Variants in L1CAM observed in about 807,000 individuals in gnomAD.
L1CAM encodes L1 cell adhesion molecule.
Under a neutral mutation model 93.0 loss-of-function variants are expected in L1CAM, and 8 were observed. The observed-to-expected ratio is 0.09, with a 90% CI of 0.05 to 0.16. The LOEUF is 0.16. Among genes scored for constraint, L1CAM ranks in the 10% least tolerant of loss-of-function variants. The probability of loss-of-function intolerance (pLI) is 1.00; values close to 1 mark genes in which losing one functional copy is unlikely to be tolerated. For synonymous variants in L1CAM, 453 were observed against 453.0 expected, an observed-to-expected ratio of 1.00 and a Z score of 0.00; for missense variants, 777 against 1,073.4, an observed-to-expected ratio of 0.72 and a Z score of 3.86.
chrX:153,866,821 C>G lies in L1CAM; in HGVS notation c.2259G>C (p.Gln753His), dbSNP rs782400758. The G allele has an allele frequency of 8.3e-7, 1 of 1,209,966 alleles. No homozygotes were observed. Among genetic ancestry groups the G allele is most frequent in the Non-Finnish European group, 1.1e-6 (1 of 895,207 alleles). Residue 753 changes from glutamine (Q) to histidine (H), a missense_variant, in exon 19 of 29, where the codon CAG (glutamine) becomes CAC (histidine). Physicochemically the swap from Gln to His is conservative, Grantham distance 24. Around this residue, in one of 5 missense-constraint regions of L1CAM, gnomAD observed 574 missense variants for 781.0 expected, o/e 0.73. Coordinates refer to ENST00000370060, the MANE Select transcript of L1CAM (RefSeq NM_001278116.2). ...WNAPQVQYRVQWRPQGTRGPW... is the reference protein window; with the variant it reads ...WNAPQVQYRVHWRPQGTRGPW... ...GCCCTCGTGTCCCCTGAGGGCGCCA[C>G]TGCACGCGGTACTGAACCTGGGGGG...
chrX:153,867,964 C>G (rs1557091588), intron 15 of L1CAM, 34 bp downstream of exon 15: 1 of 1,208,401 alleles, frequency 8.3e-7, no homozygotes, highest in African/African-American at 1.8e-5. Flanking sequence ...GAGCCCCGGC[C>G]TTCTGGAGTG....
At position 153,867,928 on chromosome X, in the gene L1CAM, C is replaced by T. The variant is rs201069035; in HGVS notation, c.1829-18G>A. The T allele has an allele frequency of 2.7e-5, 33 of 1,207,633 alleles. No homozygotes were observed. The highest frequency in any genetic ancestry group is 3.7e-5 in the Non-Finnish European group (33 of 894,046). Reference sequence around the variant, plus strand: ...AGGGCTCCCTGAGGGTGGGGAGGGTCGGTGCTTGAAAGGGCCCAGGGATGT... The same window carrying T: ...AGGGCTCCCTGAGGGTGGGGAGGGTTGGTGCTTGAAAGGGCCCAGGGATGT... On this transcript the variant is annotated intron_variant, in intron 15 of 28. Transcript: ENST00000370060.
chrX:153,882,197 C>CG (rs1356186681), intron 1 of L1CAM, among the ~76,000 whole-genome samples: 1 of 111,673 alleles, frequency 9.0e-6, no homozygotes, highest in African/African-American at 3.3e-5. Context: ...ACAGGAAGCC[C>CG]GGGGGCGGAC....
At chrX:153,871,952 T>C (rs2064774461) in intron 5 of L1CAM, among the ~76,000 whole-genome samples, 200 bp downstream of exon 5, 1 of 101,268 alleles carries the variant, frequency 9.9e-6, no homozygotes, top group Non-Finnish European at 2.0e-5. Context: ...TGACCGGAAG[T>C]GCAATGGAGA....
rs2064666674 is a variant in L1CAM, at chrX:153,862,044, G to C, written c.*619C>G. 1 of 111,848 alleles carries C rather than the reference G, an allele frequency of 8.9e-6. No homozygotes were observed. Among genetic ancestry groups the C allele is most frequent in the Non-Finnish European group, 1.9e-5 (1 of 53,223 alleles). The allele number at this position is 111,848 out of a possible 1,213,427, so 9.2% of individuals were successfully genotyped here. On this transcript the variant is annotated 3_prime_UTR_variant, in exon 29 of 29. Transcript: ENST00000370060. ...AAGGCAGCGTGTGTATGGAGCTCCTGAAAGCCGGCCATGGGGTGGGCTGGG... is the reference window on the plus strand; with the variant it reads ...AAGGCAGCGTGTGTATGGAGCTCCTCAAAGCCGGCCATGGGGTGGGCTGGG...
At position 153,867,219 on chromosome X, in the gene L1CAM, A is replaced by G; in HGVS notation, c.2138-95T>C. On this transcript the variant is annotated intron_variant, in intron 17 of 28. Transcript: ENST00000370060. ...GGAACAAATGGCTCATTCTGGCACC[A>G]AGGGAGTCCAGCCCCCTCGCGCTCC... The G allele has an allele frequency of 8.1e-6, 8 of 984,589 alleles. No homozygotes were observed. The East Asian group carries it at 9.1e-5, about 11-fold the overall frequency. The allele number at this position is 984,589 out of a possible 1,213,427, so 81.1% of individuals were successfully genotyped here.
rs782279903 is a variant in L1CAM at position 153,864,897 on chromosome X, G to A, written c.2970C>T (p.Arg990=). Residue 990 remains arginine, a synonymous_variant, in exon 23 of 29, where the codon CGC becomes CGT. Transcript: ENST00000370060. ...LTDLSPHLRY[R]FQLQATTKEG... Reference sequence around the variant, plus strand: ...CTTTGGTGGTGGCCTGAAGCTGGAAGCGGTACCGCAGGTGGGGGCTGAGAT... The same window carrying A: ...CTTTGGTGGTGGCCTGAAGCTGGAAACGGTACCGCAGGTGGGGGCTGAGAT... 1 of 1,211,302 alleles carries A rather than the reference G, an allele frequency of 8.3e-7. No individual in the cohort carries two copies. The highest frequency in any genetic ancestry group is 1.8e-5 in the South Asian group (1 of 56,940).
At chrX:153,864,044 G>GCTGCC in intron 25 of L1CAM, 27 bp from the exon 26 acceptor site, 1 of 1,210,697 alleles carries the variant, frequency 8.3e-7, no homozygotes, top group Non-Finnish European at 1.1e-6. Context: ...AGCCCCCCGT[G>GCTGCC]CTGCCGCCCA....
chrX:153,864,255 A>G lies in L1CAM; in HGVS notation c.3322+67T>C. The G allele has an allele frequency of 3.5e-6, 4 of 1,145,864 alleles. No homozygotes were observed. In the Admixed American group the frequency reaches 8.7e-5, roughly 25 times the overall value. 94.4% of individuals were successfully genotyped at this position (1,145,864 alleles called of 1,213,427 possible). A position where few individuals can be genotyped will look rare whatever the true frequency, so the allele number is the denominator to read the frequency against. ...GGGCAGTAGTGGCCATTCAGGGGAC[A>G]GAAGGACATGAATTGTGCAGCCCCC... On this transcript the variant is annotated intron_variant, in intron 25 of 28. Transcript: ENST00000370060.
intron 25 of L1CAM, 52 bp downstream of exon 25, chrX:153,864,270 G>A (rs2064690855): frequency 1.9e-5 from 23 of 1,180,542 alleles, no homozygotes; most frequent in South Asian, 1.2e-4. Flanking sequence ...GACATGAATT[G>A]TGCAGCCCCC....
intron 1 of L1CAM, chrX:153,883,715 G>C (rs142085600): frequency 0.079 from 26,423 of 334,591 alleles, 1,432 homozygotes; most frequent in African/African-American, 0.28. Context: ...TGGCAGACCA[G>C]GGTCTTGGCT....
In L1CAM at chrX:153,877,438, G is replaced by A. The variant is rs781948143; in HGVS notation, c.-108-1494C>T. 9.5e-3 allele frequency among the ~76,000 whole-genome samples: 1,002 copies of A among 105,762 alleles called. 15 individuals carry two copies. The highest frequency in any genetic ancestry group is 0.033 in the African/African-American group (960 of 28,712). 91.8% of individuals were successfully genotyped at this position (105,762 alleles called of 115,157 possible). On this transcript the variant is annotated intron_variant, in intron 1 of 28. Coordinates refer to ENST00000370060, the MANE Select transcript of L1CAM (RefSeq NM_001278116.2). ...GATTGCGCCATTGTACTCCAGCCTGGGTGACAGAGCAAGACTCTGTCTCAA... is the reference window on the plus strand; with the variant it reads ...GATTGCGCCATTGTACTCCAGCCTGAGTGACAGAGCAAGACTCTGTCTCAA...
rs200768501 is a variant in L1CAM at position 153,869,819 on chromosome X, G to A, written c.1107C>T (p.Asn369=). Residue 369 remains asparagine, a synonymous_variant, in exon 10 of 29, where the codon AAC becomes AAT. Transcript: ENST00000370060. ...RPQPEVTWRI[N]GIPVEELAKD... is the part of the protein sequence containing the mutation. ...CCTGCTCACCCTCCACAGGGATCCC[G>A]TTGATTCTCCAGGTGACCTCTGGTT... 120 of 1,209,590 alleles carry A rather than the reference G, an allele frequency of 9.9e-5. No individual in the cohort carries two copies. In the Admixed American group the frequency reaches 1.0e-3, roughly 10 times the overall value.
At chrX:153,871,009 C>T in intron 6 of L1CAM, 48 bp downstream of exon 6, 6 of 1,211,114 alleles carry the variant, frequency 5.0e-6, no homozygotes, top group Non-Finnish European at 6.7e-6. Flanking sequence ...AGGAAGACAC[C>T]CCCGCTAACA....
intron 1 of L1CAM, among the ~76,000 whole-genome samples, chrX:153,879,517 G>T (rs949607348): frequency 9.8e-5 from 11 of 112,255 alleles, no homozygotes; most frequent in Non-Finnish European, 1.7e-4. Flanking sequence ...GAGGAGGGAA[G>T]ATGGGCCTGG....
At chrX:153,867,652 C>T in intron 16 of L1CAM, 99 bp from the exon 17 acceptor site, 1 of 963,684 alleles carries the variant, frequency 1.0e-6, no homozygotes, top group Non-Finnish European at 1.5e-6. Flanking sequence ...ATTACCCAGG[C>T]CAACTGGCAT....
chrX:153,875,298 C>A (rs1169359034), intron 2 of L1CAM, among the ~76,000 whole-genome samples: 4 of 111,726 alleles, frequency 3.6e-5, no homozygotes, highest in Non-Finnish European at 7.5e-5. Flanking sequence ...GACCAAGGGC[C>A]CAGGAGGGGA....
chrX:153,864,156 G>T, intron 25 of L1CAM, 139 bp from the exon 26 acceptor site: 1 of 1,022,496 alleles, frequency 9.8e-7, no homozygotes, highest in Non-Finnish European at 1.4e-6. Context: ...CTGCGGAAAG[G>T]GTATGAAAGG....
intron 18 of L1CAM, 88 bp from the exon 19 acceptor site, chrX:153,866,959 A>C (rs1267115492): frequency 5.4e-6 from 6 of 1,120,837 alleles, no homozygotes; most frequent in Non-Finnish European, 7.4e-6. Flanking sequence ...GCATCCCCAG[A>C]CATCAGCCCC....
Sources: gnomAD v4.1 joint callset for allele counts (sites outside exome capture counted in the v4.1 genomes callset) on GRCh38, gnomAD v4.1.1 for gene constraint, gnomAD v4.1.1 regional missense constraint, MANE v1.5 for transcripts, NCBI Gene and HGNC (gene_info 2026-07-23, HGNC 2026-07-21) for gene names.